ATP6V0A4: variants seen among roughly 807,000 people sequenced by gnomAD.
ATP6V0A4 encodes the protein ATPase H+ transporting V0 subunit a4.
In ATP6V0A4, 86 loss-of-function variants were observed where a neutral mutation model predicts 107.3. The observed-to-expected ratio is 0.80, with a 90% CI of 0.67 to 0.96. The LOEUF (loss-of-function observed/expected upper bound fraction) is 0.96, where lower values mean the gene tolerates loss of function less well. Ranked by LOEUF, ATP6V0A4 falls within the 40% of genes least tolerant of loss-of-function variation. The pLI is 0.00. For synonymous variants in ATP6V0A4, 353 were observed against 381.4 expected (o/e 0.93, Z 0.87); for missense variants, 908 against 1,045.6 (o/e 0.87, Z 1.81).
intron 15 of ATP6V0A4, 94 bp from the exon 16 acceptor site, chr7:138,734,348 C>CGGTTT: frequency 6.4e-7 from 1 of 1,572,450 alleles, no homozygotes; most frequent in Non-Finnish European, 8.7e-7. Context: ...CTAAGCAAAC[C>CGGTTT]GCTCTGGGAA....
rs778834801 is a variant in ATP6V0A4, at chr7:138,798,093, A to G, written c.-180T>C. On this transcript the variant is annotated 5_prime_UTR_variant, in exon 1 of 22. Transcript: ENST00000310018. ...GGCTCACCTGCACCGGGCACTCAGC[A>G]CAGCCTCCAGCATGCAGCGCCTCCC... is the stretch of plus-strand genomic sequence containing the variant. 1 of 1,592,022 alleles carries G rather than the reference A, an allele frequency of 6.3e-7. No homozygotes were observed. Among genetic ancestry groups the G allele is most frequent in the Admixed American group, 1.8e-5 (1 of 56,406 alleles).
intron 10 of ATP6V0A4, among the ~76,000 whole-genome samples, chr7:138,755,031 T>C (rs9692528): frequency 0.091 from 13,895 of 152,254 alleles, 2,096 homozygotes; most frequent in African/African-American, 0.31. Flanking sequence ...GTGACTACAG[T>C]GTTGGACAGC....
In ATP6V0A4 at chr7:138,762,391, G is replaced by A; in HGVS notation, c.461C>T (p.Ser154Phe). 6.2e-7 allele frequency: 1 copy of A among 1,614,176 alleles called. No homozygotes were observed. Among genetic ancestry groups the A allele is most frequent in the South Asian group, 1.1e-5 (1 of 91,082 alleles). ...LADDFFTEDT[S>F]GLLELKAVPA... is the part of the protein sequence containing the mutation. ...CACTGCTTTCAACTCCAGGAGGCCA[G>A]AAGTGTCCTCAGTAAAGAAATCATC... The change falls in exon 7 of 22, where the codon TCT becomes TTT. Residue 154 changes from serine to phenylalanine, a missense_variant. By Grantham distance (155) the Ser-to-Phe change is radical. Transcript: ENST00000310018.
At chr7:138,785,940 C>G (rs937221004) in intron 2 of ATP6V0A4, among the ~76,000 whole-genome samples, 4 of 152,226 alleles carry the variant, frequency 2.6e-5, no homozygotes, top group Admixed American at 2.6e-4. Flanking sequence ...CTGCTGCCAT[C>G]CAACGCCAGT....
At chr7:138,769,607 G>A (rs1277707117) in intron 3 of ATP6V0A4, among the ~76,000 whole-genome samples, 1 of 152,064 alleles carries the variant, frequency 6.6e-6, no homozygotes, top group Admixed American at 6.6e-5. Flanking sequence ...GAGGCACTGC[G>A]CTAAGCCCCC....
intron 17 of ATP6V0A4, among the ~76,000 whole-genome samples, chr7:138,729,939 A>G (rs1218676669): frequency 6.6e-6 from 1 of 152,094 alleles, no homozygotes; most frequent in African/African-American, 2.4e-5. Context: ...GCTGGAGTGC[A>G]GTGGCGCCAT....
At chr7:138,776,467 G>C (rs1807662308) in intron 2 of ATP6V0A4, among the ~76,000 whole-genome samples, 1 of 152,228 alleles carries the variant, frequency 6.6e-6, no homozygotes, top group African/African-American at 2.4e-5. Flanking sequence ...GCAAAGAAGA[G>C]CAGGAAGATA....
At chr7:138,709,497 G>A in intron 21 of ATP6V0A4, 127 bp downstream of exon 21, 1 of 823,884 alleles carries the variant, frequency 1.2e-6, no homozygotes, top group Non-Finnish European at 2.1e-6. Context: ...ACTAAACTAA[G>A]GCTCCAAAGA....
At chr7:138,760,974 T>A (rs976613488) in intron 7 of ATP6V0A4, among the ~76,000 whole-genome samples, 1 of 152,128 alleles carries the variant, frequency 6.6e-6, no homozygotes, top group Admixed American at 6.5e-5. Flanking sequence ...TTTCTTTTTT[T>A]TATTAAAATT....
chr7:138,768,033 A>C (rs1807180818), intron 5 of ATP6V0A4, among the ~76,000 whole-genome samples: 1 of 152,172 alleles, frequency 6.6e-6, no homozygotes, highest in East Asian at 1.9e-4. Flanking sequence ...TCCCGGATTC[A>C]AGCGATTCTC....
chr7:138,714,275 T>G (rs1317574355), intron 20 of ATP6V0A4, among the ~76,000 whole-genome samples: 1 of 147,498 alleles, frequency 6.8e-6, no homozygotes, highest in Non-Finnish European at 1.5e-5. Flanking sequence ...CCACTGCATA[T>G]GAAACGGATG....
intron 17 of ATP6V0A4, among the ~76,000 whole-genome samples, chr7:138,730,189 C>G (rs1289731279): frequency 6.6e-6 from 1 of 152,180 alleles, no homozygotes; most frequent in Non-Finnish European, 1.5e-5. Context: ...TGGCCTCACT[C>G]TACTTTTAAA....
intron 14 of ATP6V0A4, among the ~76,000 whole-genome samples, chr7:138,740,349 A>G (rs1037513610): frequency 6.6e-6 from 1 of 151,618 alleles, no homozygotes; most frequent in African/African-American, 2.4e-5. Flanking sequence ...CTCTAAAAAC[A>G]TGTAGCCCAT....
intron 19 of ATP6V0A4, among the ~76,000 whole-genome samples, chr7:138,721,380 A>C (rs1804413542): frequency 6.6e-6 from 1 of 152,100 alleles, no homozygotes; most frequent in Non-Finnish European, 1.5e-5. Flanking sequence ...CTCTACTAAA[A>C]ACACAAAAAT....
chr7:138,707,363 T>TTATATATATATTATATTA (rs1562972935), intron 21 of ATP6V0A4, among the ~76,000 whole-genome samples: 2 of 100,100 alleles, frequency 2.0e-5, no homozygotes, highest in Non-Finnish European at 3.7e-5. Context: ...ATATATTATA[T>TTATATATATATTATATTA]TATATATATA....
intron 19 of ATP6V0A4, among the ~76,000 whole-genome samples, chr7:138,719,959 A>C (rs988832312): frequency 2.6e-5 from 4 of 151,176 alleles, no homozygotes; most frequent in African/African-American, 9.7e-5. Context: ...TGGGAGGCAA[A>C]GGTTGCAGTG....
chr7:138,756,141 C>T (rs1284761209), intron 9 of ATP6V0A4: 19 of 530,958 alleles, frequency 3.6e-5, no homozygotes, highest in Admixed American at 6.5e-5. Context: ...ACATGTAACA[C>T]GATTCTGTAA....
At chr7:138,758,140 A>G (rs1019075538) in intron 8 of ATP6V0A4, among the ~76,000 whole-genome samples, 37 of 147,740 alleles carry the variant, frequency 2.5e-4, no homozygotes, top group Admixed American at 7.1e-4. Context: ...TGACTGTCAT[A>G]TGTCAAAACA....
chr7:138,778,236 CGTG>C (rs1320648881), intron 2 of ATP6V0A4, among the ~76,000 whole-genome samples: 1 of 151,902 alleles, frequency 6.6e-6, no homozygotes, highest in Non-Finnish European at 1.5e-5. Context: ...ATTAGCGGGG[CGTG>C]GTGGTGGGTG....
Sources: gnomAD v4.1 joint callset for allele counts (sites outside exome capture counted in the v4.1 genomes callset) on GRCh38, gnomAD v4.1.1 for gene constraint, MANE v1.5 for transcripts, NCBI Gene and HGNC (gene_info 2026-07-23, HGNC 2026-07-21) for gene names.